Variants in DYSF observed in about 807,000 individuals in gnomAD.
DYSF encodes dystrophy-associated fer-1-like 1.
Under a neutral mutation model 274.9 loss-of-function variants are expected in DYSF, and 212 were observed. That is an observed-to-expected ratio of 0.77 (90% CI 0.69 to 0.86). The LOEUF is 0.86. Among genes scored for constraint, DYSF ranks in the 40% least tolerant of loss-of-function variants. DYSF has a pLI of 0.00. For missense variants in DYSF, 2,666 were observed against 2,783.2 expected (o/e 0.96, Z 0.95); for synonymous variants, 1,091 against 1,078.7 (o/e 1.01, Z -0.22).
At chr2:71,470,931 ACAGGCAC>A (rs888456706) in intron 1 of DYSF, among the ~76,000 whole-genome samples, 1 of 151,334 alleles carries the variant, frequency 6.6e-6, no homozygotes, top group African/African-American at 2.4e-5. Flanking sequence ...AGCTGGGATT[ACAGGCAC>A]CTGCAACCAT....
At chr2:71,506,590 C>T (rs538605573) in intron 4 of DYSF, among the ~76,000 whole-genome samples, 10 of 152,036 alleles carry the variant, frequency 6.6e-5, no homozygotes, top group South Asian at 2.1e-4. Context: ...TTGTGTAGTC[C>T]GGGAGAGCAC....
intron 35 of DYSF, among the ~76,000 whole-genome samples, chr2:71,602,208 G>A (rs2093563978): frequency 6.6e-6 from 1 of 152,210 alleles, no homozygotes; most frequent in Non-Finnish European, 1.5e-5. Context: ...AAGTTCAGCT[G>A]CATCTATGAG....
At chr2:71,605,438 G>A (rs539764086) in intron 36 of DYSF, among the ~76,000 whole-genome samples, 6 of 152,214 alleles carry the variant, frequency 3.9e-5, no homozygotes, top group Non-Finnish European at 8.8e-5. Context: ...TGAGGTGATC[G>A]TGGGTCCCTG....
chr2:71,535,789 G>A (rs948424991), intron 16 of DYSF, among the ~76,000 whole-genome samples: 2 of 152,106 alleles, frequency 1.3e-5, no homozygotes, highest in Non-Finnish European at 1.5e-5. Context: ...GGGACACCAC[G>A]GCAGCTGTGC....
intron 41 of DYSF, among the ~76,000 whole-genome samples, chr2:71,631,934 C>T (rs1411702745): frequency 6.6e-6 from 1 of 152,084 alleles, no homozygotes; most frequent in Admixed American, 6.5e-5. Flanking sequence ...TGGCTTCCAC[C>T]ATCCGGCGCT....
At chr2:71,627,770 A>T (rs2094234253) in intron 41 of DYSF, among the ~76,000 whole-genome samples, 1 of 152,098 alleles carries the variant, frequency 6.6e-6, no homozygotes, top group Non-Finnish European at 1.5e-5. Context: ...TCTATAGAGA[A>T]TTCTTATATC....
chr2:71,617,835 AGT>A (rs1316307637), intron 40 of DYSF, among the ~76,000 whole-genome samples: 3 of 13,788 alleles, frequency 2.2e-4, no homozygotes, highest in Non-Finnish European at 3.4e-4. Context: ...GTGGGGTATA[AGT>A]GTGTGTGGTA....
At position 71,686,747 on chromosome 2, in the gene DYSF, A is replaced by G. The variant is rs2095359925; in HGVS notation, c.*255A>G. On this transcript the variant is annotated 3_prime_UTR_variant, in exon 56 of 56. Transcript: ENST00000410020. ...ATCAGCTCAGACATATTTCAGTATA[A>G]AACAGTTGGAACCACACAGCAGTGT... The G allele has an allele frequency of 5.5e-6, 3 of 549,510 alleles. No individual in the cohort carries two copies. Among genetic ancestry groups the G allele is most frequent in the Non-Finnish European group, 9.9e-6 (3 of 301,832 alleles). 34.0% of individuals were successfully genotyped at this position (549,510 alleles called of 1,614,324 possible). A position where few individuals can be genotyped will look rare whatever the true frequency, so the allele number is the denominator to read the frequency against.
In DYSF at chr2:71,652,069, A is replaced by G. The variant is rs554918248; in HGVS notation, c.4627-4093A>G. ...TTCAGAAGGTTTCTTTACTGTAGAAAATGAACTTGTATTTCTCAAGAATGT... is the reference window on the plus strand; with the variant it reads ...TTCAGAAGGTTTCTTTACTGTAGAAGATGAACTTGTATTTCTCAAGAATGT... On this transcript the variant is annotated intron_variant, in intron 42 of 55. Transcript: ENST00000410020. 3.9e-5 allele frequency among the ~76,000 whole-genome samples: 6 copies of G among 152,326 alleles called. No homozygotes were observed. In the South Asian group the frequency reaches 1.2e-3, roughly 32 times the overall value.
intron 12 of DYSF, among the ~76,000 whole-genome samples, chr2:71,523,552 T>C (rs1251324927): frequency 6.6e-6 from 1 of 150,576 alleles, no homozygotes; most frequent in African/African-American, 2.4e-5. Context: ...TCTTTTTTTT[T>C]TTTTTTTTTT....
At position 71,686,528 on chromosome 2, in the gene DYSF, C is replaced by T. The variant is rs1368854154; in HGVS notation, c.*36C>T. ...GCCCTGTAGAAGGGGCCGTGGGGTCCCCTCCAGCATGGGACTGGCCTGCCT... is the reference window on the plus strand; with the variant it reads ...GCCCTGTAGAAGGGGCCGTGGGGTCTCCTCCAGCATGGGACTGGCCTGCCT... On this transcript the variant is annotated 3_prime_UTR_variant, in exon 56 of 56. Coordinates refer to ENST00000410020, the MANE Select transcript of DYSF (RefSeq NM_001130987.2). 1.2e-6 allele frequency: 2 copies of T among 1,613,332 alleles called. No individual in the cohort carries two copies. The highest frequency in any genetic ancestry group is 1.7e-6 in the Non-Finnish European group (2 of 1,179,640).
intron 17 of DYSF, among the ~76,000 whole-genome samples, chr2:71,548,753 G>T (rs1364216778): frequency 6.6e-6 from 1 of 152,210 alleles, no homozygotes; most frequent in East Asian, 1.9e-4. Flanking sequence ...TGTGTCAGAA[G>T]CCAGATGCCA....
Position 71,512,583 on chromosome 2 carries a change from C to A in DYSF, c.461-657C>A, listed in dbSNP as rs78017080. 8.3e-3 allele frequency among the ~76,000 whole-genome samples: 1,265 copies of A among 152,294 alleles called. 17 individuals carry two copies. The highest frequency in any genetic ancestry group is 0.029 in the African/African-American group (1,211 of 41,576). On this transcript the variant is annotated intron_variant, in intron 5 of 55. Coordinates refer to ENST00000410020, the MANE Select transcript of DYSF (RefSeq NM_001130987.2). ...CGAGGACCCAGCCCGGGGTGGCTGG[C>A]TCTCCACTGGTGGGCCTGGGTGTGG...
At position 71,510,348 on chromosome 2, in the gene DYSF, C is replaced by T. The variant is rs560095028; in HGVS notation, c.346-1459C>T. ...CGGAGGGGAGGACTTTCTTCTTTTCCCCTCCACGGGTTGCAGGAGCTGAAG... is the reference window on the plus strand; with the variant it reads ...CGGAGGGGAGGACTTTCTTCTTTTCTCCTCCACGGGTTGCAGGAGCTGAAG... On this transcript the variant is annotated intron_variant, in intron 4 of 55. Transcript: ENST00000410020. 2.3e-3 allele frequency among the ~76,000 whole-genome samples: 353 copies of T among 152,236 alleles called. 2 individuals are homozygous for T. Among genetic ancestry groups the T allele is most frequent in the African/African-American group, 7.9e-3 (329 of 41,548 alleles).
intron 24 of DYSF, among the ~76,000 whole-genome samples, chr2:71,566,562 A>T (rs1365691677): frequency 6.7e-6 from 1 of 149,816 alleles, no homozygotes; most frequent in Non-Finnish European, 1.5e-5. Context: ...CAAACTAGAC[A>T]TTTCTTTATT....
At chr2:71,536,669 A>G (rs2089374686) in intron 16 of DYSF, among the ~76,000 whole-genome samples, 1 of 152,234 alleles carries the variant, frequency 6.6e-6, no homozygotes, top group Non-Finnish European at 1.5e-5. Context: ...ATCCAAACAC[A>G]TTACAGAATC....
chr2:71,551,813 G>T lies in DYSF; in HGVS notation c.1806+93G>T. 3 of 1,034,168 alleles carry T rather than the reference G, an allele frequency of 2.9e-6. No homozygotes were observed. The South Asian group carries it at 4.2e-5, about 14-fold the overall frequency. 64.1% of individuals were successfully genotyped at this position (1,034,168 alleles called of 1,614,324 possible). On this transcript the variant is annotated intron_variant, in intron 19 of 55. Coordinates refer to ENST00000410020, the MANE Select transcript of DYSF (RefSeq NM_001130987.2). Reference sequence around the variant, plus strand: ...GCCTTGAGGTGTCATGGCCGAGGGAGGAGGAAGCTCTGCCCACACGCATCG... The same window carrying T: ...GCCTTGAGGTGTCATGGCCGAGGGATGAGGAAGCTCTGCCCACACGCATCG...
At chr2:71,675,633 A>G (rs1397861690) in intron 52 of DYSF, among the ~76,000 whole-genome samples, 1 of 152,204 alleles carries the variant, frequency 6.6e-6, no homozygotes. Context: ...GCGTGGCACC[A>G]AGTTTGACTT....
At chr2:71,478,086 T>A (rs1258011888) in intron 1 of DYSF, among the ~76,000 whole-genome samples, 1 of 151,686 alleles carries the variant, frequency 6.6e-6, no homozygotes, top group Non-Finnish European at 1.5e-5. Flanking sequence ...TATGTTAATA[T>A]TTATTGGGCT....
Sources: allele counts gnomAD v4.1 joint callset (sites outside exome capture counted in the v4.1 genomes callset), GRCh38; gene constraint gnomAD v4.1.1; transcripts MANE v1.5; gene names NCBI Gene and HGNC (gene_info 2026-07-23, HGNC 2026-07-21).